Variants in TMEM178B observed in about 807,000 individuals in gnomAD.
The protein encoded by TMEM178B is transmembrane protein 178B.
In TMEM178B, 5 loss-of-function variants were observed where a neutral mutation model predicts 31.0. The ratio of observed to expected loss-of-function variants is 0.16; its 90% confidence interval spans 0.08 to 0.34. TMEM178B has a LOEUF of 0.34. TMEM178B is among the 10% of genes least tolerant of loss of function. The pLI is 1.00. For missense variants in TMEM178B, 275 were observed against 400.3 expected, an observed-to-expected ratio of 0.69 and a Z score of 2.67; for synonymous variants, 164 against 164.0, an observed-to-expected ratio of 1.00 and a Z score of 0.00.
At chr7:141,444,138 G>A (rs938881951) in intron 3 of TMEM178B, among the ~76,000 whole-genome samples, 2 of 152,138 alleles carry the variant, frequency 1.3e-5, no homozygotes, top group Admixed American at 6.5e-5. Flanking sequence ...TTAGAGAAAG[G>A]TATCAGAAAC....
At chr7:141,195,140 C>G (rs999242243) in intron 1 of TMEM178B, among the ~76,000 whole-genome samples, 1 of 152,208 alleles carries the variant, frequency 6.6e-6, no homozygotes, top group African/African-American at 2.4e-5. Flanking sequence ...TCCCCATGGT[C>G]TTGTGGATTA....
intron 2 of TMEM178B, among the ~76,000 whole-genome samples, chr7:141,365,070 T>G (rs1052486309): frequency 3.9e-4 from 60 of 152,266 alleles, no homozygotes; most frequent in African/African-American, 1.4e-3. Flanking sequence ...AAAGACTGAC[T>G]TGGGGGGCCT....
At chr7:141,141,806 G>A (rs1225199980) in intron 1 of TMEM178B, among the ~76,000 whole-genome samples, 1 of 152,118 alleles carries the variant, frequency 6.6e-6, no homozygotes, top group African/African-American at 2.4e-5. Flanking sequence ...TTAAAGAAAA[G>A]TTAGACTGAT....
At chr7:141,360,771 T>C (rs955437176) in intron 2 of TMEM178B, among the ~76,000 whole-genome samples, 1 of 152,246 alleles carries the variant, frequency 6.6e-6, no homozygotes, top group African/African-American at 2.4e-5. Context: ...GTGTTTTAAC[T>C]GTGATTTCCA....
At chr7:141,201,585 G>A (rs1269031642) in intron 1 of TMEM178B, among the ~76,000 whole-genome samples, 1 of 152,148 alleles carries the variant, frequency 6.6e-6, no homozygotes, top group Non-Finnish European at 1.5e-5. Flanking sequence ...ATTACCATCA[G>A]TATTTTGCAG....
chr7:141,322,859 C>A (rs1037573056), intron 2 of TMEM178B, among the ~76,000 whole-genome samples: 2 of 152,114 alleles, frequency 1.3e-5, no homozygotes, highest in Non-Finnish European at 2.9e-5. Flanking sequence ...CTCCCCTAAA[C>A]CCCCCTGCCC....
At chr7:141,220,790 G>A (rs1797245438) in intron 2 of TMEM178B, among the ~76,000 whole-genome samples, 1 of 152,184 alleles carries the variant, frequency 6.6e-6, no homozygotes, top group African/African-American at 2.4e-5. Context: ...CACCATGAAG[G>A]AGAACTGGGA....
chr7:141,221,160 G>A lies in TMEM178B; in HGVS notation c.496+8456G>A, dbSNP rs148390567. On this transcript the variant is annotated intron_variant, in intron 2 of 3. Coordinates refer to ENST00000565468, the MANE Select transcript of TMEM178B (RefSeq NM_001195278.2). ...AGAGGCATGGCCTGCATTTTACAGC[G>A]AGGGAAAAGTGGGCATCATCTAGGA... Among the ~76,000 whole-genome samples, 8 of 152,312 alleles carry A rather than the reference G, an allele frequency of 5.3e-5. No individual in the cohort carries two copies. The East Asian group carries it at 1.3e-3, about 26-fold the overall frequency.
intron 2 of TMEM178B, among the ~76,000 whole-genome samples, chr7:141,237,051 G>A (rs966379060): frequency 2.0e-5 from 3 of 152,238 alleles, no homozygotes; most frequent in African/African-American, 7.2e-5. Context: ...GTTTCACCAA[G>A]TAATCTGAGA....
chr7:141,363,187 G>A (rs1412386364), intron 2 of TMEM178B, among the ~76,000 whole-genome samples: 1 of 152,228 alleles, frequency 6.6e-6, no homozygotes, highest in Non-Finnish European at 1.5e-5. Flanking sequence ...GAGTCAGCAT[G>A]TTGTGACTTG....
At chr7:141,511,037 T>G in the TMEM178B span, among the ~76,000 whole-genome samples, 1 of 152,060 alleles carries the variant, frequency 6.6e-6, no homozygotes, top group Non-Finnish European at 1.5e-5. Flanking sequence ...TCCATTATTT[T>G]AGAACTGTGC....
chr7:141,411,052 TA>T, intron 2 of TMEM178B, among the ~76,000 whole-genome samples: 1 of 152,048 alleles, frequency 6.6e-6, no homozygotes, highest in Admixed American at 6.6e-5. Context: ...ATTGCCATTT[TA>T]CTCGAATAAA....
chr7:141,439,366 G>T (rs1193343257), intron 3 of TMEM178B, among the ~76,000 whole-genome samples: 2 of 152,026 alleles, frequency 1.3e-5, no homozygotes, highest in Non-Finnish European at 1.5e-5. Context: ...TGAGGGGGAC[G>T]TGATGGCTCT....
the TMEM178B span, among the ~76,000 whole-genome samples, chr7:141,495,702 A>T: frequency 6.6e-6 from 1 of 152,346 alleles, no homozygotes; most frequent in Non-Finnish European, 1.5e-5. Context: ...GGCAAACATA[A>T]ATCTGGTCAT....
intron 2 of TMEM178B, among the ~76,000 whole-genome samples, chr7:141,356,341 T>G (rs1398224842): frequency 6.6e-6 from 1 of 152,060 alleles, no homozygotes; most frequent in African/African-American, 2.4e-5. Context: ...ACAAATAGTG[T>G]ATAAGCTTTC....
intron 2 of TMEM178B, among the ~76,000 whole-genome samples, chr7:141,437,046 C>A (rs904037211): frequency 1.3e-5 from 2 of 152,112 alleles, no homozygotes; most frequent in African/African-American, 4.8e-5. Flanking sequence ...GAACACCAGA[C>A]CCCCCATGCT....
intron 2 of TMEM178B, among the ~76,000 whole-genome samples, chr7:141,276,108 A>T (rs1335926236): frequency 2.0e-5 from 3 of 152,126 alleles, no homozygotes; most frequent in Non-Finnish European, 4.4e-5. Context: ...GGCTGAGGGG[A>T]CATGGGGAAA....
intron 1 of TMEM178B, among the ~76,000 whole-genome samples, chr7:141,093,420 A>T (rs540509706): frequency 1.3e-5 from 2 of 152,220 alleles, no homozygotes; most frequent in Admixed American, 1.3e-4. Flanking sequence ...TATTTTGTGT[A>T]TGATAATCTT....
At chr7:141,247,001 A>G (rs1275009904) in intron 2 of TMEM178B, among the ~76,000 whole-genome samples, 2 of 152,152 alleles carry the variant, frequency 1.3e-5, no homozygotes, top group African/African-American at 4.8e-5. Context: ...TGTGAGCACC[A>G]TGGGGTCAGG....
Sources: allele counts gnomAD v4.1 joint callset (sites outside exome capture counted in the v4.1 genomes callset), GRCh38; gene constraint gnomAD v4.1.1; transcripts MANE v1.5; gene names NCBI Gene and HGNC (gene_info 2026-07-23, HGNC 2026-07-21).